RERE: variants seen among roughly 807,000 people sequenced by gnomAD.
RERE encodes the protein arginine-glutamic acid dipeptide repeats protein.
In RERE, 40 loss-of-function variants were observed where a neutral mutation model predicts 146.1. The observed-to-expected ratio is 0.27, with a 90% CI of 0.21 to 0.36. The LOEUF (loss-of-function observed/expected upper bound fraction) is 0.36, where lower values mean the gene tolerates loss of function less well. Ranked by LOEUF, RERE falls within the 10% of genes least tolerant of loss-of-function variation. The probability of loss-of-function intolerance (pLI) is 1.00; values close to 1 mark genes in which losing one functional copy is unlikely to be tolerated. For missense variants in RERE, 1,933 were observed against 2,138.7 expected, an observed-to-expected ratio of 0.90 and a Z score of 1.90; for synonymous variants, 1,003 against 866.0, an observed-to-expected ratio of 1.16 and a Z score of -2.78.
chr1:8,523,747 A>G (rs964086950), intron 7 of RERE, among the ~76,000 whole-genome samples: 8 of 152,214 alleles, frequency 5.3e-5, no homozygotes, highest in Admixed American at 5.2e-4. Context: ...GTCAGCAACC[A>G]CAAGTCTTCA....
intron 15 of RERE, chr1:8,363,835 C>G: frequency 1.7e-6 from 1 of 583,598 alleles, no homozygotes; most frequent in Non-Finnish European, 3.1e-6. Context: ...GAGCTTGCTA[C>G]AAAACCCAGA....
chr1:8,750,511 G>A, intron 1 of RERE: 1 of 1,088,136 alleles, frequency 9.2e-7, no homozygotes, highest in South Asian at 1.2e-5. Flanking sequence ...TCACAGAGCT[G>A]AAGATCAAGC....
chr1:8,676,739 T>G (rs1638849217), intron 1 of RERE, among the ~76,000 whole-genome samples: 1 of 152,172 alleles, frequency 6.6e-6, no homozygotes, highest in East Asian at 1.9e-4. Flanking sequence ...CCCACAGGGA[T>G]GAGTACCAAA....
At chr1:8,556,280 G>A (rs1646005641) in intron 6 of RERE, among the ~76,000 whole-genome samples, 195 bp downstream of exon 6, 2 of 151,854 alleles carry the variant, frequency 1.3e-5, no homozygotes, top group East Asian at 1.9e-4. Flanking sequence ...AGAGAGAGAA[G>A]TAAAGCTAGA....
At chr1:8,620,426 T>C (rs1446150034) in intron 3 of RERE, among the ~76,000 whole-genome samples, 1 of 152,228 alleles carries the variant, frequency 6.6e-6, no homozygotes, top group Non-Finnish European at 1.5e-5. Context: ...ATGCCAGCCC[T>C]AACCTTGCTC....
intron 4 of RERE, among the ~76,000 whole-genome samples, chr1:8,603,470 G>A (rs1646658983): frequency 6.6e-6 from 1 of 152,226 alleles, no homozygotes; most frequent in South Asian, 2.1e-4. Context: ...AGCAGTAACA[G>A]TTACATCACA....
Position 8,503,262 on chromosome 1 carries a change from CATATT to C in RERE, c.879+5360_879+5364del, listed in dbSNP as rs546676333. Among the ~76,000 whole-genome samples, 109 of 152,234 alleles carry C rather than the reference CATATT, an allele frequency of 7.2e-4. 1 individual carries two copies. The highest frequency in any genetic ancestry group is 1.5e-3 in the South Asian group (7 of 4,826). ...TAAAGCCACGAAAAAAATTAGCACTCATATTAGTTGCTAGTGTCAACACAAACTGA... is the reference window on the plus strand; with the variant it reads ...TAAAGCCACGAAAAAAATTAGCACTCAGTTGCTAGTGTCAACACAAACTGA... On this transcript the variant is annotated intron_variant, in intron 8 of 22. Transcript: ENST00000400908.
chr1:8,677,444 AG>A, intron 1 of RERE, among the ~76,000 whole-genome samples: 1 of 148,660 alleles, frequency 6.7e-6, no homozygotes, highest in African/African-American at 2.5e-5. Context: ...AAAAAAAGAA[AG>A]AAAGAAAAGA....
chr1:8,528,237 T>C (rs1445473567), intron 7 of RERE, among the ~76,000 whole-genome samples: 2 of 151,952 alleles, frequency 1.3e-5, no homozygotes, highest in East Asian at 1.9e-4. Flanking sequence ...GTCGATGTCA[T>C]AAAAAATCTT....
At chr1:8,408,061 G>A (rs927047148) in intron 12 of RERE, among the ~76,000 whole-genome samples, 9 of 152,150 alleles carry the variant, frequency 5.9e-5, no homozygotes, top group Non-Finnish European at 1.0e-4. Context: ...GGCAGCCTTG[G>A]GAGGAAGAAA....
At chr1:8,487,260 A>G (rs1286115480) in intron 10 of RERE, among the ~76,000 whole-genome samples, 1 of 152,172 alleles carries the variant, frequency 6.6e-6, no homozygotes, top group Non-Finnish European at 1.5e-5. Flanking sequence ...CAACCTGGAT[A>G]TATAAGAGAT....
At chr1:8,573,399 C>T (rs886830545) in intron 4 of RERE, among the ~76,000 whole-genome samples, 3 of 96,756 alleles carry the variant, frequency 3.1e-5, no homozygotes, top group Non-Finnish European at 7.1e-5. Context: ...ACATAAATGA[C>T]ACTAGACTCT....
At chr1:8,497,352 A>G (rs1645058921) in intron 9 of RERE, 53 bp downstream of exon 9, 3 of 1,603,734 alleles carry the variant, frequency 1.9e-6, no homozygotes, top group Admixed American at 3.4e-5. Context: ...ACTGCCTATA[A>G]TCAGTTCAGA....
At chr1:8,682,200 T>A (rs1638986862) in intron 1 of RERE, among the ~76,000 whole-genome samples, 1 of 152,220 alleles carries the variant, frequency 6.6e-6, no homozygotes, top group Non-Finnish European at 1.5e-5. Context: ...GAAATGGGAC[T>A]TGTTCCCTTC....
intron 6 of RERE, among the ~76,000 whole-genome samples, chr1:8,545,685 CT>C (rs1165619190): frequency 0.16 from 21,207 of 135,210 alleles, 1,479 homozygotes; most frequent in Middle Eastern, 0.26. Context: ...ATAAAAAATT[CT>C]TTTTTTTTTT....
Position 8,413,981 on chromosome 1 carries a change from G to A in RERE, c.1284+8746C>T, listed in dbSNP as rs1039115236. ...GAGGGAGGAGAATTGCTTGAACCCG[G>A]GAGACGGAGGCTGTGGTGAGCTGAG... On this transcript the variant is annotated intron_variant, in intron 12 of 22. Coordinates refer to ENST00000400908, the MANE Select transcript of RERE (RefSeq NM_001042681.2). 1.3e-4 allele frequency among the ~76,000 whole-genome samples: 19 copies of A among 150,610 alleles called. 1 individual carries two copies. Among genetic ancestry groups the A allele is most frequent in the Non-Finnish European group, 8.8e-5 (6 of 67,804 alleles).
chr1:8,485,880 T>C (rs1417812287), intron 10 of RERE, among the ~76,000 whole-genome samples: 4 of 149,470 alleles, frequency 2.7e-5, no homozygotes, highest in African/African-American at 9.8e-5. Context: ...CTCACTGCAA[T>C]CTCCGCCTCC....
chr1:8,375,960 A>G (rs1214413293), intron 12 of RERE, among the ~76,000 whole-genome samples: 3 of 152,228 alleles, frequency 2.0e-5, no homozygotes, highest in African/African-American at 7.2e-5. Context: ...ATCTTTATTT[A>G]TATTTTATCT....
chr1:8,585,840 C>A (rs1462991698), intron 4 of RERE, among the ~76,000 whole-genome samples: 1 of 152,150 alleles, frequency 6.6e-6, no homozygotes, highest in Non-Finnish European at 1.5e-5. Flanking sequence ...ACAACACTAC[C>A]ATATAAAATT....
Sources: allele counts gnomAD v4.1 joint callset (sites outside exome capture counted in the v4.1 genomes callset), GRCh38; gene constraint gnomAD v4.1.1; transcripts MANE v1.5; gene names NCBI Gene and HGNC (gene_info 2026-07-23, HGNC 2026-07-21).